The following SLCO2A1 variants were observed in gnomAD, a reference collection of about 807,000 sequenced individuals.
The protein encoded by SLCO2A1 is solute carrier organic anion transporter family member 2A1.
SLCO2A1 carries 60 observed loss-of-function variants against 71.7 expected under a neutral mutation model. That is an observed-to-expected ratio of 0.84 (90% CI 0.68 to 1.04). The LOEUF is 1.04. Among genes scored for constraint, SLCO2A1 ranks in the 50% least tolerant of loss-of-function variants. The pLI is 0.00. For synonymous variants in SLCO2A1, 308 were observed against 326.7 expected, an observed-to-expected ratio of 0.94 and a Z score of 0.62; for missense variants, 745 against 813.4, an observed-to-expected ratio of 0.92 and a Z score of 1.02.
At chr3:133,944,982 T>G (rs1576427667) in intron 10 of SLCO2A1, 113 bp downstream of exon 10, 1 of 1,205,072 alleles carries the variant, frequency 8.3e-7, no homozygotes. Flanking sequence ...TGGTAATGAG[T>G]GTGTGTGTGG....
At chr3:134,010,712 G>A (rs922170901) in intron 1 of SLCO2A1, among the ~76,000 whole-genome samples, 1 of 136,594 alleles carries the variant, frequency 7.3e-6, no homozygotes, top group Admixed American at 8.1e-5. Flanking sequence ...TGAGATCACA[G>A]CACTGCACTC....
chr3:133,939,279 GC>G (rs1168668104), intron 11 of SLCO2A1, among the ~76,000 whole-genome samples: 1 of 152,192 alleles, frequency 6.6e-6, no homozygotes, highest in Admixed American at 6.5e-5. Flanking sequence ...GCAGGGGACG[GC>G]CCTGCCATCC....
intron 9 of SLCO2A1, 114 bp downstream of exon 9, chr3:133,947,142 A>T: frequency 1.0e-6 from 1 of 962,450 alleles, no homozygotes; most frequent in South Asian, 2.0e-5. Flanking sequence ...TCAAAAAAAA[A>T]AAAAAGTGTA....
At chr3:133,946,157 T>C (rs1395076101) in intron 9 of SLCO2A1, among the ~76,000 whole-genome samples, 1 of 146,646 alleles carries the variant, frequency 6.8e-6, no homozygotes, top group Non-Finnish European at 1.5e-5. Flanking sequence ...AGGGGTGAGC[T>C]CCCTACCCCG....
Position 134,005,551 on chromosome 3 carries a change from G to A in SLCO2A1, c.96+24156C>T, listed in dbSNP as rs562965386. ...GGCTGGAGTGCAGTGGCGCAATCTC[G>A]GCTCACTGCAACCTCCGCTTCCCGG... is the stretch of plus-strand genomic sequence containing the variant. On this transcript the variant is annotated intron_variant, in intron 1 of 13. Coordinates refer to ENST00000310926, the MANE Select transcript of SLCO2A1 (RefSeq NM_005630.3). Among the ~76,000 whole-genome samples the A allele has an allele frequency of 2.7e-3, 395 of 145,914 alleles. 2 individuals are homozygous for A. Among genetic ancestry groups the A allele is most frequent in the Non-Finnish European group, 3.6e-3 (241 of 67,256 alleles).
chr3:134,011,427 G>A (rs902367769), intron 1 of SLCO2A1, among the ~76,000 whole-genome samples: 1 of 152,228 alleles, frequency 6.6e-6, no homozygotes, highest in African/African-American at 2.4e-5. Context: ...AGAAGAAGGA[G>A]GCTTGAGCTG....
chr3:133,984,309 C>G (rs902869079), intron 1 of SLCO2A1, among the ~76,000 whole-genome samples: 1 of 152,190 alleles, frequency 6.6e-6, no homozygotes. Context: ...CATCCCCCAC[C>G]CCTTCACAGA....
chr3:133,942,827 C>T, intron 10 of SLCO2A1, 59 bp from the exon 11 acceptor site: 1 of 1,505,684 alleles, frequency 6.6e-7, no homozygotes, highest in Non-Finnish European at 9.0e-7. Flanking sequence ...CTTTCACACA[C>T]TTCAGACGTC....
At chr3:133,947,942 C>T (rs1041377018) in intron 8 of SLCO2A1, among the ~76,000 whole-genome samples, 1 of 152,152 alleles carries the variant, frequency 6.6e-6, no homozygotes, top group Non-Finnish European at 1.5e-5. Flanking sequence ...GGGTTGGGCC[C>T]AGTGATTTCC....
At chr3:133,978,415 A>C (rs1280371788) in intron 2 of SLCO2A1, among the ~76,000 whole-genome samples, 1 of 152,140 alleles carries the variant, frequency 6.6e-6, no homozygotes, top group Non-Finnish European at 1.5e-5. Context: ...GGACCGTAGA[A>C]GGGACTGTCA....
chr3:133,936,434 C>T (rs1483703743), intron 12 of SLCO2A1, among the ~76,000 whole-genome samples: 1 of 152,234 alleles, frequency 6.6e-6, no homozygotes, highest in Non-Finnish European at 1.5e-5. Context: ...GATTAGACAA[C>T]ACCCCTCTGC....
chr3:134,029,651 G>A, intron 1 of SLCO2A1, 56 bp downstream of exon 1: 2 of 1,437,828 alleles, frequency 1.4e-6, no homozygotes, highest in Non-Finnish European at 1.9e-6. Flanking sequence ...CGGGTGCCCA[G>A]CCGAAGGTGC....
At position 133,953,667 on chromosome 3, in the gene SLCO2A1, G is replaced by A. The variant is rs1487549030; in HGVS notation, c.720C>T (p.Asn240=). 5.6e-6 allele frequency: 9 copies of A among 1,613,864 alleles called. No homozygotes were observed. The highest frequency in any genetic ancestry group is 1.1e-5 in the South Asian group (1 of 91,076). ...GTGTCCTCTGCACATACTCACCTGT[G>A]TTGACCCTGCCATAGTCCACAAAGA... ...LQIFVDYGRV[N]TAAVNLVPGD... Residue 240 remains asparagine (N), a synonymous_variant, in exon 5 of 14, where the codon AAC becomes AAT. Transcript: ENST00000310926.
intron 1 of SLCO2A1, among the ~76,000 whole-genome samples, chr3:134,021,818 A>G: frequency 9.4e-6 from 1 of 106,174 alleles, no homozygotes; most frequent in African/African-American, 2.7e-5. Context: ...ATAATTGATA[A>G]TTGAAGGTAT....
intron 3 of SLCO2A1, among the ~76,000 whole-genome samples, chr3:133,962,337 C>A (rs1468077134): frequency 1.3e-5 from 2 of 152,178 alleles, no homozygotes; most frequent in African/African-American, 4.8e-5. Flanking sequence ...TCCTCGGCCT[C>A]CCAAAGTGCT....
chr3:134,023,613 A>C (rs933331559), intron 1 of SLCO2A1, among the ~76,000 whole-genome samples: 2 of 152,174 alleles, frequency 1.3e-5, no homozygotes, highest in African/African-American at 4.8e-5. Flanking sequence ...GGACTGCCCC[A>C]ACCAGTTTTT....
At chr3:133,972,853 T>C (rs1284695081) in intron 3 of SLCO2A1, among the ~76,000 whole-genome samples, 3 of 152,060 alleles carry the variant, frequency 2.0e-5, no homozygotes, top group Non-Finnish European at 4.4e-5. Flanking sequence ...CTACTGAAAG[T>C]AACACTAAAG....
chr3:133,960,121 AAAATAAATAAATAAATAAAT>A (rs59630146), intron 3 of SLCO2A1, among the ~76,000 whole-genome samples: 1 of 149,098 alleles, frequency 6.7e-6, no homozygotes, highest in Non-Finnish European at 1.5e-5. Flanking sequence ...CTCCGTCTCA[AAAATAAATAAATAAATAAAT>A]AAATAAATAA....
chr3:134,027,128 T>C (rs1365956645), intron 1 of SLCO2A1, among the ~76,000 whole-genome samples: 2 of 152,040 alleles, frequency 1.3e-5, no homozygotes, highest in Non-Finnish European at 2.9e-5. Context: ...ACACAGGTAG[T>C]AAAAATGAAA....
Sources: gnomAD v4.1 joint callset for allele counts (sites outside exome capture counted in the v4.1 genomes callset) on GRCh38, gnomAD v4.1.1 for gene constraint, MANE v1.5 for transcripts, NCBI Gene and HGNC (gene_info 2026-07-23, HGNC 2026-07-21) for gene names.